PTPDC1: variants seen among roughly 807,000 people sequenced by gnomAD.
PTPDC1 encodes protein tyrosine phosphatase domain containing 1, also known as protein tyrosine phosphatase domain-containing protein 1.
A neutral mutation model predicts 75.3 loss-of-function variants in PTPDC1; 53 were observed. That is an observed-to-expected ratio of 0.70 (90% CI 0.56 to 0.88). PTPDC1 has a LOEUF of 0.88. Ranked by LOEUF, PTPDC1 falls within the 40% of genes least tolerant of loss-of-function variation. The probability of loss-of-function intolerance (pLI) is 0.00; values close to 1 mark genes in which losing one functional copy is unlikely to be tolerated. For missense variants in PTPDC1, 925 were observed against 998.6 expected (o/e 0.93, Z 0.99); for synonymous variants, 349 against 366.2 (o/e 0.95, Z 0.54).
chr9:94,095,240 T>G, intron 4 of PTPDC1, 77 bp from the exon 5 acceptor site: 1 of 1,109,770 alleles, frequency 9.0e-7, no homozygotes, highest in Non-Finnish European at 1.3e-6. Flanking sequence ...AGTGTAGATC[T>G]GTGTACTTTT....
At chr9:94,062,866 G>T (rs758774644) in intron 1 of PTPDC1, among the ~76,000 whole-genome samples, 17 of 152,270 alleles carry the variant, frequency 1.1e-4, no homozygotes, top group Middle Eastern at 3.4e-3. Flanking sequence ...TAAATAAGAC[G>T]TGAATAGACT....
At chr9:94,097,198 A>T in intron 5 of PTPDC1, 123 bp from the exon 6 acceptor site, 1 of 695,534 alleles carries the variant, frequency 1.4e-6, no homozygotes, top group Non-Finnish European at 2.4e-6. Context: ...TGTCCTTAAA[A>T]TGTGTCTCTA....
chr9:94,045,482 T>C (rs550648918), intron 1 of PTPDC1, among the ~76,000 whole-genome samples: 1 of 152,270 alleles, frequency 6.6e-6, no homozygotes, highest in East Asian at 1.9e-4. Flanking sequence ...TGTTCCTGTT[T>C]CTCCACATCC....
chr9:94,034,797 A>C (rs1055200724), intron 1 of PTPDC1, among the ~76,000 whole-genome samples: 1 of 152,154 alleles, frequency 6.6e-6, no homozygotes, highest in Admixed American at 6.5e-5. Flanking sequence ...AATCTTTCTC[A>C]GTGGTTTCTC....
chr9:94,058,506 C>G (rs1270335581), intron 1 of PTPDC1, among the ~76,000 whole-genome samples: 2 of 151,398 alleles, frequency 1.3e-5, no homozygotes, highest in Non-Finnish European at 2.9e-5. Context: ...CCAGACCAGC[C>G]TGGCCAACAT....
intron 8 of PTPDC1, among the ~76,000 whole-genome samples, chr9:94,106,845 C>T (rs952286022): frequency 1.3e-5 from 2 of 152,152 alleles, no homozygotes; most frequent in Admixed American, 6.5e-5. Flanking sequence ...CACTGCTAAC[C>T]CAGAGTATGG....
At chr9:94,075,294 A>G (rs548124837) in intron 2 of PTPDC1, among the ~76,000 whole-genome samples, 1 of 152,328 alleles carries the variant, frequency 6.6e-6, no homozygotes, top group South Asian at 2.1e-4. Flanking sequence ...GACACAGTAG[A>G]AGATGAGATC....
At chr9:94,081,588 C>T (rs1826885449), upstream of PTPDC1, among the ~76,000 whole-genome samples, 1 of 152,138 alleles carries the variant, frequency 6.6e-6, no homozygotes. Context: ...GCTGCACAGT[C>T]AAATAGAAAC....
At chr9:94,086,574 C>A (rs1318656804) in intron 2 of PTPDC1, among the ~76,000 whole-genome samples, 1 of 152,098 alleles carries the variant, frequency 6.6e-6, no homozygotes, top group Non-Finnish European at 1.5e-5. Context: ...AACAGACTTA[C>A]CTTATATATC....
Position 94,097,435 on chromosome 9 carries a change from GTGTAAGGGAATT to G in PTPDC1, c.871_882del (p.Val291_Phe294del). 6.2e-7 allele frequency: 1 copy of G among 1,614,156 alleles called. No individual in the cohort carries two copies. The highest frequency in any genetic ancestry group is 1.1e-5 in the South Asian group (1 of 91,084). On this transcript the variant is annotated inframe_deletion, in exon 6 of 9. Coordinates refer to ENST00000620992, the MANE Select transcript of PTPDC1 (RefSeq NM_001253829.2). ...ATACAAACCAGAGGACAGCTCCTCT[GTGTAAGGGAATT>G]TACTCAGTTTCTAACTCCTCTCCGC...
At chr9:94,079,226 C>T (rs1202297771) in intron 2 of PTPDC1, among the ~76,000 whole-genome samples, 2 of 152,150 alleles carry the variant, frequency 1.3e-5, no homozygotes, top group African/African-American at 4.8e-5. Flanking sequence ...TTTGAAGCCT[C>T]TGATGTGACT....
chr9:94,098,675 A>G, intron 6 of PTPDC1, 96 bp downstream of exon 6: 1 of 1,042,670 alleles, frequency 9.6e-7, no homozygotes, highest in Non-Finnish European at 1.4e-6. Context: ...TATTATAGAA[A>G]TGTGAAGATA....
In PTPDC1 at chr9:94,098,863, T is replaced by A. The variant is rs943133281; in HGVS notation, c.2013+284T>A. 9.1e-4 allele frequency among the ~76,000 whole-genome samples: 138 copies of A among 152,200 alleles called. 1 individual carries two copies. Among genetic ancestry groups the A allele is most frequent in the Non-Finnish European group, 4.6e-4 (31 of 68,024 alleles). On this transcript the variant is annotated intron_variant, in intron 6 of 8. Transcript: ENST00000620992. Reference sequence around the variant, plus strand: ...TTAGTAGTTTCCTTCTTCCTGGGCCTATGGGGGCAACTGGCCCACAGCAGA... The same window carrying A: ...TTAGTAGTTTCCTTCTTCCTGGGCCAATGGGGGCAACTGGCCCACAGCAGA...
chr9:94,104,430 A>C, intron 8 of PTPDC1, 45 bp downstream of exon 8: 1 of 1,288,090 alleles, frequency 7.8e-7, no homozygotes, highest in South Asian at 1.2e-5. Context: ...ACAGATCAGC[A>C]TCATCTTTGT....
intron 1 of PTPDC1, among the ~76,000 whole-genome samples, chr9:94,058,425 G>A (rs924861435): frequency 5.9e-5 from 9 of 152,094 alleles, no homozygotes; most frequent in African/African-American, 1.4e-4. Flanking sequence ...TGGGCCAGGC[G>A]CGGTGGCTCA....
intron 1 of PTPDC1, among the ~76,000 whole-genome samples, chr9:94,035,673 A>C (rs1010178010): frequency 6.6e-6 from 1 of 152,204 alleles, no homozygotes; most frequent in South Asian, 2.1e-4. Context: ...ACTGATTTCA[A>C]ATCTTTTGGG....
At chr9:94,095,539 C>T in intron 5 of PTPDC1, 85 bp downstream of exon 5, 1 of 1,121,294 alleles carries the variant, frequency 8.9e-7, no homozygotes, top group Non-Finnish European at 1.3e-6. Context: ...GTAAATGTTT[C>T]TCAGAATCCT....
intron 5 of PTPDC1, among the ~76,000 whole-genome samples, chr9:94,097,040 C>G (rs1827598540): frequency 6.6e-6 from 1 of 152,188 alleles, no homozygotes; most frequent in Non-Finnish European, 1.5e-5. Flanking sequence ...TACTCACCTA[C>G]CTTGTGCCTG....
intron 1 of PTPDC1, 113 bp from the exon 2 acceptor site, chr9:94,085,137 GA>G (rs1482815070): frequency 9.2e-6 from 8 of 871,500 alleles, no homozygotes; most frequent in South Asian, 7.2e-5. Context: ...AGATGAAGGT[GA>G]TTTTGCACTG....
Sources: gnomAD v4.1 joint callset for allele counts (sites outside exome capture counted in the v4.1 genomes callset) on GRCh38, gnomAD v4.1.1 for gene constraint, MANE v1.5 for transcripts, NCBI Gene and HGNC (gene_info 2026-07-23, HGNC 2026-07-21) for gene names.